Variants in PRMT8 observed in about 807,000 individuals in gnomAD.
PRMT8 encodes the protein protein arginine methyltransferase 8.
PRMT8 carries 7 observed loss-of-function variants against 47.1 expected under a neutral mutation model. The observed-to-expected ratio is 0.15, with a 90% CI of 0.08 to 0.28. The LOEUF is 0.28. PRMT8 is among the 10% of genes least tolerant of loss of function. The probability of loss-of-function intolerance (pLI) is 1.00; values close to 1 mark genes in which losing one functional copy is unlikely to be tolerated. For missense variants in PRMT8, 237 were observed against 505.4 expected (o/e 0.47, Z 5.09); for synonymous variants, 188 against 186.5 (o/e 1.01, Z -0.07).
At position 3,523,204 on chromosome 12, in the gene PRMT8, G is replaced by A. The variant is rs117859446; in HGVS notation, c.76-17402G>A. On this transcript the variant is annotated intron_variant, in intron 1 of 9. Transcript: ENST00000382622. ...CCTGTGCTAGCTGAAATGGGGTCTG[G>A]TAAACCACCCAATTTCAAGGCTGGG... is the stretch of plus-strand genomic sequence containing the variant. 3.4e-3 allele frequency among the ~76,000 whole-genome samples: 513 copies of A among 152,264 alleles called. 4 individuals are homozygous for A. The highest frequency in any genetic ancestry group is 5.9e-3 in the Non-Finnish European group (399 of 68,026).
intron 7 of PRMT8, 137 bp downstream of exon 7, chr12:3,577,123 C>A: frequency 1.4e-6 from 1 of 698,778 alleles, no homozygotes; most frequent in South Asian, 1.8e-5. Flanking sequence ...TGTGATGCTC[C>A]CTAAGCTCAA....
intron 1 of PRMT8, among the ~76,000 whole-genome samples, chr12:3,498,095 A>G (rs1268966650): frequency 6.6e-6 from 1 of 152,220 alleles, no homozygotes; most frequent in Non-Finnish European, 1.5e-5. Flanking sequence ...GCATAGTGAG[A>G]GCTCTGACCT....
At chr12:3,548,456 A>G in intron 2 of PRMT8, among the ~76,000 whole-genome samples, 1 of 152,386 alleles carries the variant, frequency 6.6e-6, no homozygotes, top group Non-Finnish European at 1.5e-5. Flanking sequence ...ACTAGCTTCC[A>G]GAATGTATAA....
At chr12:3,464,335 C>T (rs1429391889) in intron 1 of PRMT8, among the ~76,000 whole-genome samples, 9 of 150,768 alleles carry the variant, frequency 6.0e-5, no homozygotes, top group South Asian at 2.1e-4. Flanking sequence ...CAACTCCTAA[C>T]GTGCTGTGTT....
At chr12:3,526,792 A>G (rs1425099489) in intron 1 of PRMT8, among the ~76,000 whole-genome samples, 1 of 152,190 alleles carries the variant, frequency 6.6e-6, no homozygotes, top group Non-Finnish European at 1.5e-5. Context: ...GTTTGATATT[A>G]ATATAGCTAT....
intron 1 of PRMT8, among the ~76,000 whole-genome samples, chr12:3,455,501 T>C (rs1213115665): frequency 6.6e-6 from 1 of 152,090 alleles, no homozygotes; most frequent in African/African-American, 2.4e-5. Context: ...CTCACGCCCT[T>C]TCCCCTTGCC....
chr12:3,532,546 A>G (rs1323444416), intron 1 of PRMT8, among the ~76,000 whole-genome samples: 1 of 131,592 alleles, frequency 7.6e-6, no homozygotes, highest in East Asian at 2.5e-4. Flanking sequence ...CGGGAGGCAG[A>G]GCTTGCAGTG....
chr12:3,540,561 C>T (rs1479147933), intron 1 of PRMT8, 45 bp from the exon 2 acceptor site: 2 of 1,328,598 alleles, frequency 1.5e-6, no homozygotes, highest in Admixed American at 1.7e-5. Context: ...GAGGGCGGGA[C>T]CCCGTTGTCT....
At position 3,559,836 on chromosome 12, in the gene PRMT8, C is replaced by T. The variant is rs185130281; in HGVS notation, c.481+6122C>T. The stretch of plus-strand genomic sequence containing the variant: ...CCATGCTGACCCGTTGTGGCATCCG[C>T]ACCCCTACCATTTCCTGGGTTTGCT... On this transcript the variant is annotated intron_variant, in intron 4 of 9. Transcript: ENST00000382622. Among the ~76,000 whole-genome samples, 186 of 152,298 alleles carry T rather than the reference C, an allele frequency of 1.2e-3. 1 individual carries two copies. The highest frequency in any genetic ancestry group is 2.8e-4 in the Non-Finnish European group (19 of 68,022).
intron 1 of PRMT8, among the ~76,000 whole-genome samples, chr12:3,460,659 C>T (rs1016435200): frequency 1.3e-5 from 2 of 152,108 alleles, no homozygotes; most frequent in African/African-American, 4.8e-5. Context: ...ATTATATCCC[C>T]ATTTTACAGA....
intron 1 of PRMT8, among the ~76,000 whole-genome samples, chr12:3,531,424 G>A (rs1174920616): frequency 6.6e-6 from 1 of 152,204 alleles, no homozygotes; most frequent in Non-Finnish European, 1.5e-5. Flanking sequence ...GATATAAGAA[G>A]CGAATTTAAT....
upstream of PRMT8, among the ~76,000 whole-genome samples, chr12:3,489,455 T>C (rs1403206433): frequency 6.6e-6 from 1 of 151,894 alleles, no homozygotes; most frequent in Non-Finnish European, 1.5e-5. Context: ...CTCTCCAATC[T>C]TGGGGTCCTT....
At chr12:3,478,370 C>T (rs1865239723) in intron 1 of PRMT8, among the ~76,000 whole-genome samples, 1 of 152,128 alleles carries the variant, frequency 6.6e-6, no homozygotes. Context: ...CCCTGTGGTC[C>T]ACCCTGCCAG....
At chr12:3,407,483 C>T (rs1342086415) in intron 1 of PRMT8, among the ~76,000 whole-genome samples, 14 of 152,108 alleles carry the variant, frequency 9.2e-5, no homozygotes, top group Admixed American at 8.5e-4. Flanking sequence ...ATGGTTCTAA[C>T]TCTGTTAATG....
intron 1 of PRMT8, among the ~76,000 whole-genome samples, chr12:3,521,830 C>T (rs927382347): frequency 4.6e-5 from 7 of 152,162 alleles, no homozygotes; most frequent in African/African-American, 1.7e-4. Context: ...CTTCTCCCTC[C>T]CAACTGCCAC....
chr12:3,381,517 G>A, intron 1 of PRMT8: 3 of 1,438,972 alleles, frequency 2.1e-6, no homozygotes, highest in Non-Finnish European at 2.8e-6. Flanking sequence ...TCTTGACCCC[G>A]TGTGGGCTGT....
intron 1 of PRMT8, among the ~76,000 whole-genome samples, chr12:3,387,162 A>G (rs932913435): frequency 4.6e-5 from 7 of 152,262 alleles, no homozygotes; most frequent in Non-Finnish European, 7.3e-5. Flanking sequence ...ATTGCACTAT[A>G]CATGCAATAG....
intron 1 of PRMT8, among the ~76,000 whole-genome samples, chr12:3,431,868 G>T (rs1051919283): frequency 4.6e-5 from 7 of 152,208 alleles, no homozygotes; most frequent in Admixed American, 2.6e-4. Flanking sequence ...AGCTGGCTGA[G>T]GCTTGAGCAT....
In PRMT8 at chr12:3,570,277, G is replaced by A. The variant is rs552501517; in HGVS notation, c.712+713G>A. On this transcript the variant is annotated intron_variant, in intron 6 of 9. Transcript: ENST00000382622. The surrounding 1 kb of genome is among the most constrained non-coding windows in gnomAD (Gnocchi z 5.5). ...GAAAAGGGCTGTTATCCTATTTCTCGTAAAGGGTGACACTTCTCTGTGACA... is the reference window on the plus strand; with the variant it reads ...GAAAAGGGCTGTTATCCTATTTCTCATAAAGGGTGACACTTCTCTGTGACA... Among the ~76,000 whole-genome samples the A allele has an allele frequency of 1.2e-4, 19 of 152,242 alleles. No homozygotes were observed. The highest frequency in any genetic ancestry group is 3.1e-4 in the African/African-American group (13 of 41,532).
Sources: allele counts gnomAD v4.1 joint callset (sites outside exome capture counted in the v4.1 genomes callset), GRCh38; gene constraint gnomAD v4.1.1; non-coding constraint Gnocchi (gnomAD v3.1); transcripts MANE v1.5; gene names NCBI Gene and HGNC (gene_info 2026-07-23, HGNC 2026-07-21).